The following NOTCH2NLC variants were observed in gnomAD, a reference collection of about 807,000 sequenced individuals.
NOTCH2NLC encodes the protein notch 2 N-terminal like C.
NOTCH2NLC carries 4 observed loss-of-function variants against 17.7 expected under a neutral mutation model. That is an observed-to-expected ratio of 0.23 (90% CI 0.11 to 0.52). The LOEUF (loss-of-function observed/expected upper bound fraction) is 0.52, where lower values mean the gene tolerates loss of function less well. NOTCH2NLC is among the 20% of genes least tolerant of loss of function. NOTCH2NLC has a pLI of 0.96. For missense variants in NOTCH2NLC, 57 were observed against 207.2 expected, an observed-to-expected ratio of 0.28 and a Z score of 4.45; for synonymous variants, 18 against 86.0, an observed-to-expected ratio of 0.21 and a Z score of 4.38.
chr1:149,400,255 A>G (rs1285301185), intron 1 of NOTCH2NLC, among the ~76,000 whole-genome samples: 3 of 136,454 alleles, frequency 2.2e-5, no homozygotes, highest in Non-Finnish European at 4.8e-5. Context: ...TAAGTGGTAA[A>G]TATTACTTAA....
At position 149,464,783 on chromosome 1, in the gene NOTCH2NLC, G is replaced by A. The variant is rs1479043468; in HGVS notation, c.*630G>A. ...CAAAAACAAAAGAAGGAAAACTGTA[G>A]GGGGGAGTAATGTGCTAAGTAAGCA... On this transcript the variant is annotated 3_prime_UTR_variant, in exon 5 of 5. Transcript: ENST00000650865. 1.3e-5 allele frequency: 2 copies of A among 151,496 alleles called. No individual in the cohort carries two copies. Among genetic ancestry groups the A allele is most frequent in the Non-Finnish European group, 1.5e-5 (1 of 67,662 alleles). The allele number at this position is 151,496 out of a possible 1,614,324, so 9.4% of individuals were successfully genotyped here. A position where few individuals can be genotyped will look rare whatever the true frequency, so the allele number is the denominator to read the frequency against.
chr1:149,445,878 T>C (rs1199613660), intron 2 of NOTCH2NLC, among the ~76,000 whole-genome samples: 1 of 146,318 alleles, frequency 6.8e-6, no homozygotes, highest in Non-Finnish European at 1.5e-5. Context: ...GTTGTTTTTT[T>C]TTGAATGGCC....
intron 3 of NOTCH2NLC, among the ~76,000 whole-genome samples, chr1:149,462,705 C>A (rs1358999930): frequency 6.7e-6 from 1 of 149,586 alleles, no homozygotes; most frequent in African/African-American, 2.5e-5. Flanking sequence ...AAGAAAATAG[C>A]AAACTTGGTG....
chr1:149,402,319 G>A, intron 1 of NOTCH2NLC, among the ~76,000 whole-genome samples: 1 of 150,898 alleles, frequency 6.6e-6, no homozygotes, highest in Non-Finnish European at 1.5e-5. Flanking sequence ...GACCTCAGGT[G>A]ATCCACCCAC....
chr1:149,449,611 G>C (rs2084579937), intron 2 of NOTCH2NLC, among the ~76,000 whole-genome samples: 1 of 150,882 alleles, frequency 6.6e-6, no homozygotes, highest in Non-Finnish European at 1.5e-5. Context: ...ATTGTAGAGA[G>C]ACAAAGTTTG....
intron 3 of NOTCH2NLC, among the ~76,000 whole-genome samples, chr1:149,462,197 A>C (rs1449520721): frequency 2.0e-5 from 3 of 149,284 alleles, no homozygotes; most frequent in Non-Finnish European, 4.5e-5. Context: ...GACTTAGACT[A>C]ATGACAACAA....
rs1348562205 is a variant in NOTCH2NLC at position 149,423,621 on chromosome 1, G to A, written c.136-7321G>A. Among the ~76,000 whole-genome samples, 77 of 148,090 alleles carry A rather than the reference G, an allele frequency of 5.2e-4. 2 individuals carry two copies. The highest frequency in any genetic ancestry group is 6.9e-3 in the Middle Eastern group (2 of 288). On this transcript the variant is annotated intron_variant, in intron 1 of 4. Transcript: ENST00000650865. ...CCAACCACAGCCAAGATCCTAGGAC[G>A]TAAACTCAGACTTCATCTCTCAAAT...
At chr1:149,419,043 CTTTTTTTCTTTCT>C (rs2084363344) in intron 1 of NOTCH2NLC, among the ~76,000 whole-genome samples, 1 of 147,498 alleles carries the variant, frequency 6.8e-6, no homozygotes, top group Non-Finnish European at 1.5e-5. Flanking sequence ...TCTCTCCTTT[CTTTTTTTCTTTCT>C]TTTTTTTCTT....
At chr1:149,441,117 G>A (rs2084516943) in intron 2 of NOTCH2NLC, among the ~76,000 whole-genome samples, 1 of 144,230 alleles carries the variant, frequency 6.9e-6, no homozygotes, top group South Asian at 2.2e-4. Flanking sequence ...GAGCAAGAAT[G>A]GATTGGGATA....
chr1:149,455,533 T>G lies in NOTCH2NLC; in HGVS notation c.425T>G (p.Leu142Arg). Residue 142 changes from leucine (L) to arginine (R), a missense_variant, in exon 3 of 5, where the codon CTC (leucine) becomes CGC (arginine). Coordinates refer to ENST00000650865, the MANE Select transcript of NOTCH2NLC (RefSeq NM_001364013.2). ...PCLNGGTCHM[L>R]SRDTYECTCQ... is the part of the protein sequence containing the mutation. ...CTGAATGGCGGCACATGCCATATGCTCAGCCGGGATACCTATGAGTGCACC... is the reference window on the plus strand; with the variant it reads ...CTGAATGGCGGCACATGCCATATGCGCAGCCGGGATACCTATGAGTGCACC... 1 of 1,254,856 alleles carries G rather than the reference T, an allele frequency of 8.0e-7. No homozygotes were observed. Among genetic ancestry groups the G allele is most frequent in the South Asian group, 1.2e-5 (1 of 80,614 alleles). 77.7% of individuals were successfully genotyped at this position (1,254,856 alleles called of 1,614,324 possible).
intron 1 of NOTCH2NLC, among the ~76,000 whole-genome samples, chr1:149,421,432 G>T (rs2084378718): frequency 6.8e-6 from 1 of 146,360 alleles, no homozygotes; most frequent in Non-Finnish European, 1.5e-5. Context: ...CCAGGAGGAG[G>T]AGCTTGCAGT....
At position 149,454,537 on chromosome 1, in the gene NOTCH2NLC, A is replaced by G. The variant is rs1258803928; in HGVS notation, c.210-781A>G. Among the ~76,000 whole-genome samples, 71 of 149,272 alleles carry G rather than the reference A, an allele frequency of 4.8e-4. 3 individuals carry two copies. The highest frequency in any genetic ancestry group is 9.3e-4 in the Non-Finnish European group (62 of 66,978). Reference sequence around the variant, plus strand: ...AATGTGGAAAATATCATAGAATGTTATTCTTCAATTGATTCCTTCCTTCAC... The same window carrying G: ...AATGTGGAAAATATCATAGAATGTTGTTCTTCAATTGATTCCTTCCTTCAC... On this transcript the variant is annotated intron_variant, in intron 2 of 4. Transcript: ENST00000650865.
At chr1:149,429,704 G>T (rs1214776016) in intron 1 of NOTCH2NLC, among the ~76,000 whole-genome samples, 1 of 151,302 alleles carries the variant, frequency 6.6e-6, no homozygotes, top group Non-Finnish European at 1.5e-5. Flanking sequence ...ATTGTTGGTG[G>T]AGGAGTTGTT....
Position 149,461,034 on chromosome 1 carries a change from G to A in NOTCH2NLC, c.470-2457G>A, listed in dbSNP as rs1382795013. Among the ~76,000 whole-genome samples, 14 of 148,316 alleles carry A rather than the reference G, an allele frequency of 9.4e-5. 2 individuals carry two copies. The highest frequency in any genetic ancestry group is 2.0e-4 in the Admixed American group (3 of 14,870). ...ACTGCAACCTCCACCTCTTGGGTTCGAGTGATTCTTGTGCCTCAGCCTCCC... is the reference window on the plus strand; with the variant it reads ...ACTGCAACCTCCACCTCTTGGGTTCAAGTGATTCTTGTGCCTCAGCCTCCC... On this transcript the variant is annotated intron_variant, in intron 3 of 4. Transcript: ENST00000650865.
At chr1:149,450,200 T>C (rs2084583804) in intron 2 of NOTCH2NLC, among the ~76,000 whole-genome samples, 1 of 147,376 alleles carries the variant, frequency 6.8e-6, no homozygotes, top group African/African-American at 2.5e-5. Context: ...ATCCACCACA[T>C]TGAAGACTGT....
chr1:149,428,883 A>G (rs1395205197), intron 1 of NOTCH2NLC, among the ~76,000 whole-genome samples: 3 of 150,150 alleles, frequency 2.0e-5, no homozygotes, highest in Non-Finnish European at 3.0e-5. Context: ...GGTTTTATTT[A>G]TTTATTATTT....
At chr1:149,427,068 A>G (rs2084417016) in intron 1 of NOTCH2NLC, among the ~76,000 whole-genome samples, 2 of 151,290 alleles carry the variant, frequency 1.3e-5, no homozygotes, top group South Asian at 4.2e-4. Context: ...AAGTGATGTT[A>G]TAATTTGCTA....
At position 149,399,992 on chromosome 1, in the gene NOTCH2NLC, T is replaced by TA. The variant is rs1237128570; in HGVS notation, c.135+9072dup. On this transcript the variant is annotated intron_variant, in intron 1 of 4. Transcript: ENST00000650865. ...AAGTAATTATGTTTGAAAAAGTAGTTAAGGATGTTTGAAGAATCTAGAAAA... is the reference window on the plus strand; with the variant it reads ...AAGTAATTATGTTTGAAAAAGTAGTTAAAGGATGTTTGAAGAATCTAGAAAA... 2.5e-4 allele frequency among the ~76,000 whole-genome samples: 37 copies of TA among 149,836 alleles called. 1 individual carries two copies. The highest frequency in any genetic ancestry group is 8.5e-4 in the African/African-American group (35 of 41,000).
rs1182598882 is a variant in NOTCH2NLC at position 149,393,693 on chromosome 1, A to G, written c.135+2771A>G. 1.4e-5 allele frequency among the ~76,000 whole-genome samples: 2 copies of G among 144,162 alleles called. 1 individual carries two copies. The highest frequency in any genetic ancestry group is 3.0e-5 in the Non-Finnish European group (2 of 66,310). The allele number at this position is 144,162 out of a possible 152,430, so 94.6% of individuals were successfully genotyped here. On this transcript the variant is annotated intron_variant, in intron 1 of 4. Coordinates refer to ENST00000650865, the MANE Select transcript of NOTCH2NLC (RefSeq NM_001364013.2). ...AACAAAATCGGAGTAATTTTCTTTC[A>G]GATGGTGATGAAATTTAACCTAAAA... is the stretch of plus-strand genomic sequence containing the variant.
Sources: allele counts gnomAD v4.1 joint callset (sites outside exome capture counted in the v4.1 genomes callset), GRCh38; gene constraint gnomAD v4.1.1; transcripts MANE v1.5; gene names NCBI Gene and HGNC (gene_info 2026-07-23, HGNC 2026-07-21).